The following KLHL1 variants were observed in gnomAD, a reference collection of about 807,000 sequenced individuals.
KLHL1 encodes the protein kelch like family member 1, also known as kelch-like protein 1.
A neutral mutation model predicts 77.7 loss-of-function variants in KLHL1; 47 were observed. The ratio of observed to expected loss-of-function variants is 0.60; its 90% CI spans 0.48 to 0.77. KLHL1 has a LOEUF of 0.77. Among genes scored for constraint, KLHL1 ranks in the 30% least tolerant of loss-of-function variants. KLHL1 has a pLI of 0.00. For synonymous variants in KLHL1, 360 were observed against 325.2 expected (o/e 1.11, Z -1.15); for missense variants, 925 against 910.8 (o/e 1.02, Z -0.20).
At chr13:69,742,260 C>A (rs1874018689) in intron 7 of KLHL1, among the ~76,000 whole-genome samples, 1 of 152,120 alleles carries the variant, frequency 6.6e-6, no homozygotes, top group Admixed American at 6.5e-5. Flanking sequence ...TATCTTTATG[C>A]TTTTAAGCAT....
chr13:69,845,994 T>C (rs1489090895), intron 5 of KLHL1, among the ~76,000 whole-genome samples: 1 of 151,496 alleles, frequency 6.6e-6, no homozygotes. Flanking sequence ...AAAATGTCTC[T>C]TTGCAAGAAA....
At chr13:69,757,138 C>T (rs1359204715) in intron 7 of KLHL1, among the ~76,000 whole-genome samples, 1 of 152,088 alleles carries the variant, frequency 6.6e-6, no homozygotes. Context: ...TAGAAACCTA[C>T]ATTCAAGAAT....
chr13:69,992,923 G>GAA (rs35249010), intron 1 of KLHL1, among the ~76,000 whole-genome samples: 21 of 147,506 alleles, frequency 1.4e-4, no homozygotes, highest in South Asian at 2.1e-4. Flanking sequence ...GCTGCAGAGG[G>GAA]AAAAAAAAAA....
chr13:70,040,656 T>C (rs1372120905), intron 1 of KLHL1, among the ~76,000 whole-genome samples: 3 of 152,166 alleles, frequency 2.0e-5, no homozygotes, highest in Non-Finnish European at 4.4e-5. Flanking sequence ...TCTTTAGTAT[T>C]TGTAAGTTTC....
chr13:70,044,646 T>C (rs926253314), intron 1 of KLHL1, among the ~76,000 whole-genome samples: 6 of 152,162 alleles, frequency 3.9e-5, no homozygotes, highest in Non-Finnish European at 7.4e-5. Context: ...CAAATGACCT[T>C]TGGATTAGAA....
intron 4 of KLHL1, 23 bp downstream of exon 4, chr13:69,940,017 A>G (rs1184009500): frequency 1.9e-6 from 3 of 1,549,484 alleles, no homozygotes; most frequent in Non-Finnish European, 2.6e-6. Flanking sequence ...TGTCTCCATT[A>G]TTAAAACATT....
chr13:70,080,086 G>T (rs1165567869), intron 1 of KLHL1, among the ~76,000 whole-genome samples: 1 of 152,156 alleles, frequency 6.6e-6, no homozygotes, highest in South Asian at 2.1e-4. Context: ...GAGCCATACA[G>T]CATACTGTTC....
Position 69,966,989 on chromosome 13 carries a change from A to C in KLHL1, c.681-5545T>G, listed in dbSNP as rs1408205834. Reference sequence around the variant, plus strand: ...AGTATTCCATGTGTATCTATATCATATTTTATTTATCCACTCATCAATTGA... The same window carrying C: ...AGTATTCCATGTGTATCTATATCATCTTTTATTTATCCACTCATCAATTGA... On this transcript the variant is annotated intron_variant, in intron 2 of 10. Coordinates refer to ENST00000377844, the MANE Select transcript of KLHL1 (RefSeq NM_020866.3). Among the ~76,000 whole-genome samples the C allele has an allele frequency of 3.3e-5, 5 of 152,224 alleles. No homozygotes were observed. In the East Asian group the frequency reaches 9.7e-4, roughly 29 times the overall value.
chr13:69,934,987 TATGTATATATATAC>T (rs1339399624), intron 4 of KLHL1, among the ~76,000 whole-genome samples: 2 of 134,944 alleles, frequency 1.5e-5, no homozygotes, highest in African/African-American at 3.1e-5. Context: ...TATATATATA[TATGTATATATATAC>T]ATATTATCAT....
At chr13:70,042,958 T>C (rs1473625458) in intron 1 of KLHL1, among the ~76,000 whole-genome samples, 1 of 152,132 alleles carries the variant, frequency 6.6e-6, no homozygotes, top group African/African-American at 2.4e-5. Flanking sequence ...CAGGCTGGAG[T>C]GCAGTGGCAT....
At chr13:69,753,229 A>G (rs972463262) in intron 7 of KLHL1, among the ~76,000 whole-genome samples, 3 of 152,116 alleles carry the variant, frequency 2.0e-5, no homozygotes, top group Non-Finnish European at 4.4e-5. Flanking sequence ...AAACCTTCAT[A>G]GCTGTTAAAA....
At chr13:69,964,405 C>T (rs1019115718) in intron 2 of KLHL1, among the ~76,000 whole-genome samples, 1 of 151,996 alleles carries the variant, frequency 6.6e-6, no homozygotes, top group African/African-American at 2.4e-5. Flanking sequence ...GTAATATGTC[C>T]TTTATTTTTG....
Position 69,736,837 on chromosome 13 carries a change from C to T in KLHL1, c.1802+3557G>A, listed in dbSNP as rs1057177967. On this transcript the variant is annotated intron_variant, in intron 8 of 10. Coordinates refer to ENST00000377844, the MANE Select transcript of KLHL1 (RefSeq NM_020866.3). ...GAAAACCAAACATAGTATATTCTCT[C>T]GTAAGTGGGAGATAAGCTGTGAGGA... 4.6e-5 allele frequency among the ~76,000 whole-genome samples: 7 copies of T among 151,990 alleles called. No individual in the cohort carries two copies. In the East Asian group the frequency reaches 7.7e-4, roughly 17 times the overall value.
intron 8 of KLHL1, among the ~76,000 whole-genome samples, chr13:69,720,488 G>A (rs79983361): frequency 0.089 from 13,530 of 152,078 alleles, 827 homozygotes; most frequent in African/African-American, 0.17. Context: ...ACTCAATTCT[G>A]CTGAAACAGG....
chr13:70,101,061 A>G (rs1887910836), intron 1 of KLHL1, among the ~76,000 whole-genome samples: 1 of 152,192 alleles, frequency 6.6e-6, no homozygotes, highest in Non-Finnish European at 1.5e-5. Flanking sequence ...GAGGATACAT[A>G]AATTATCTTT....
chr13:69,906,878 A>C (rs1407106003), intron 4 of KLHL1, among the ~76,000 whole-genome samples: 1 of 151,988 alleles, frequency 6.6e-6, no homozygotes, highest in African/African-American at 2.4e-5. Context: ...TTTAGGTTAC[A>C]TTAGCAAGCT....
intron 1 of KLHL1, among the ~76,000 whole-genome samples, chr13:70,010,911 T>TAATAATAAAATAA (rs149915176): frequency 2.0e-5 from 3 of 147,628 alleles, no homozygotes; most frequent in African/African-American, 7.5e-5. Flanking sequence ...ATAATAATAA[T>TAATAATAAAATAA]AATAAAATAA....
chr13:69,893,393 C>A lies in KLHL1; in HGVS notation c.1015-10898G>T, dbSNP rs571627454. The stretch of plus-strand genomic sequence containing the variant: ...GGGACTACAGGCGCCCGCCACCGCG[C>A]CTGGCTAATTTTTTGTATTTTTAGT... On this transcript the variant is annotated intron_variant, in intron 4 of 10. Coordinates refer to ENST00000377844, the MANE Select transcript of KLHL1 (RefSeq NM_020866.3). 6.1e-3 allele frequency among the ~76,000 whole-genome samples: 930 copies of A among 151,902 alleles called. 18 individuals carry two copies. The highest frequency in any genetic ancestry group is 0.045 in the Admixed American group (691 of 15,246).
chr13:69,764,425 T>A (rs1875169368), intron 7 of KLHL1, among the ~76,000 whole-genome samples: 1 of 152,204 alleles, frequency 6.6e-6, no homozygotes, highest in Non-Finnish European at 1.5e-5. Context: ...CATTCTTTAT[T>A]CAATTAAACT....
Sources: allele counts gnomAD v4.1 joint callset (sites outside exome capture counted in the v4.1 genomes callset), GRCh38; gene constraint gnomAD v4.1.1; transcripts MANE v1.5; gene names NCBI Gene and HGNC (gene_info 2026-07-23, HGNC 2026-07-21).